STAT6: variants seen among roughly 807,000 people sequenced by gnomAD.
The protein encoded by STAT6 is STAT, interleukin4-induced.
In STAT6, 45 loss-of-function variants were observed where a neutral mutation model predicts 106.3. The observed-to-expected ratio is 0.42, with a 90% CI of 0.33 to 0.54. The LOEUF is 0.54. Among genes scored for constraint, STAT6 ranks in the 20% least tolerant of loss-of-function variants. STAT6 has a pLI of 0.06. For missense variants in STAT6, 797 were observed against 1,062.2 expected (o/e 0.75, Z 3.47); for synonymous variants, 413 against 413.6 (o/e 1.00, Z 0.02).
intron 11 of STAT6, 148 bp downstream of exon 11, chr12:57,104,315 AC>A: frequency 2.6e-6 from 3 of 1,138,606 alleles, no homozygotes; most frequent in South Asian, 1.5e-5. Flanking sequence ...GCTCTTGCTC[AC>A]CCCCACTCAC....
intron 1 of STAT6, chr12:57,110,398 G>A (rs916726068): frequency 1.3e-5 from 2 of 152,260 alleles, no homozygotes; most frequent in Non-Finnish European, 2.9e-5. Flanking sequence ...AACTCAGAAG[G>A]GAAGCGCAAG....
rs759524967 is a variant in STAT6, at chr12:57,100,023, C to T, written c.1580G>A (p.Arg527His). 1.9e-6 allele frequency: 3 copies of T among 1,612,842 alleles called. No individual in the cohort carries two copies. The highest frequency in any genetic ancestry group is 2.5e-6 in the Non-Finnish European group (3 of 1,179,464). ...WFDGVLDLTKRCLRSYWSDRL... is the reference protein window; with the variant it reads ...WFDGVLDLTKHCLRSYWSDRL... ...GTCAGACCAGTAGCTCCGGAGACAG[C>T]GTTTGGTGAGGTCCAGGACACCATC... The change falls in exon 14 of 22, where the codon CGC becomes CAC. Residue 527 changes from arginine (R) to histidine (H), a missense_variant. Transcript: ENST00000300134.
At chr12:57,104,077 T>G (rs2034122393) in intron 11 of STAT6, 1 of 216,170 alleles carries the variant, frequency 4.6e-6, no homozygotes, top group East Asian at 1.2e-4. Flanking sequence ...GCTCCAACAC[T>G]TAGCTGTGTG....
At chr12:57,100,684 GAAAGAAAGAAAGAAAGAGAAAGAA>G (rs1160110918) in intron 13 of STAT6, among the ~76,000 whole-genome samples, 275 of 66,098 alleles carry the variant, frequency 4.2e-3, no homozygotes, top group Middle Eastern at 6.3e-3. Flanking sequence ...AAGAAAGAAA[GAAAGAAAGAAAGAAAGAGAAAGAA>G]AGAAAGAAAG....
chr12:57,098,465 C>G (rs2033593960), intron 19 of STAT6, 40 bp downstream of exon 19: 1 of 1,593,110 alleles, frequency 6.3e-7, no homozygotes, highest in East Asian at 2.2e-5. Flanking sequence ...TGCCCACCCC[C>G]TTAGAGTGGG....
Position 57,098,585 on chromosome 12 carries a change from G to A in STAT6, c.2079C>T (p.Tyr693=). The A allele has an allele frequency of 1.9e-6, 3 of 1,613,862 alleles. No homozygotes were observed. The highest frequency in any genetic ancestry group is 1.1e-5 in the South Asian group (1 of 91,054). ...GGGGGATGGAGTGAGAGTGTGGTGG[G>A]TACACCTGGGGCCTGGGGAAAGAAA... is the stretch of plus-strand genomic sequence containing the variant. The part of the protein sequence containing the change: ...QLGPDMVPQV[Y]PPHSHSIPPY... The change falls in exon 19 of 22, where the codon TAC becomes TAT. Residue 693 remains tyrosine, a synonymous_variant. Transcript: ENST00000300134.
chr12:57,097,072 G>T lies in STAT6; in HGVS notation c.2221C>A (p.Pro741Thr), dbSNP rs901689697. Residue 741 changes from proline to threonine, a missense_variant, in exon 20 of 22, where the codon CCC becomes ACC. Around this residue, in one of 4 missense-constraint regions of STAT6, gnomAD observed 226 missense variants for 236.7 expected, o/e 0.95. Coordinates refer to ENST00000300134, the MANE Select transcript of STAT6 (RefSeq NM_003153.5). ...QMSLPFDQPH[P>T]QGLLPCQPQE... is the part of the protein sequence containing the mutation. ...AGGAGGGGCTTTGTCACTCACTGGG[G>T]GTGAGGCTGGTCAAAGGGCAGGCTC... 9.0e-6 allele frequency: 14 copies of T among 1,547,456 alleles called. No individual in the cohort carries two copies. Among genetic ancestry groups the T allele is most frequent in the Non-Finnish European group, 1.2e-5 (14 of 1,146,254 alleles).
At position 57,105,400 on chromosome 12, in the gene STAT6, C is replaced by T. The variant is rs931721526; in HGVS notation, c.813-61G>A. On this transcript the variant is annotated intron_variant, in intron 8 of 21. Coordinates refer to ENST00000300134, the MANE Select transcript of STAT6 (RefSeq NM_003153.5). ...TAGGTCCCTGCTGGTGCCCTCCCCA[C>T]AGCTCTAGCCCCCTTCTTTTCTTCC... is the stretch of plus-strand genomic sequence containing the variant. 1.1e-5 allele frequency: 18 copies of T among 1,607,878 alleles called. No individual in the cohort carries two copies. The Admixed American group carries it at 2.8e-4, about 25-fold the overall frequency.
At position 57,105,458 on chromosome 12, in the gene STAT6, C is replaced by T. The variant is rs757062172; in HGVS notation, c.812+10G>A. ...TGTTCTAGGCCAGACTGGGAGCTCC[C>T]GGGGAATACCTGGTGACGAGGGTTC... On this transcript the variant is annotated intron_variant, in intron 8 of 21. Coordinates refer to ENST00000300134, the MANE Select transcript of STAT6 (RefSeq NM_003153.5). 8 of 1,613,740 alleles carry T rather than the reference C, an allele frequency of 5.0e-6. No individual in the cohort carries two copies. The highest frequency in any genetic ancestry group is 1.3e-5 in the African/African-American group (1 of 74,888).
At position 57,099,578 on chromosome 12, in the gene STAT6, C is replaced by G. The variant is rs1025000291; in HGVS notation, c.1745-138G>C. ...GGTGGGGCTCCTGAGGGAGAGAGAC[C>G]CACTAGTCTCCGTTCCCACAGAGCT... is the stretch of plus-strand genomic sequence containing the variant. On this transcript the variant is annotated intron_variant, in intron 15 of 21. Coordinates refer to ENST00000300134, the MANE Select transcript of STAT6 (RefSeq NM_003153.5). The surrounding 1 kb of genome is among the most constrained non-coding windows in gnomAD (Gnocchi z 4.7). The G allele has an allele frequency of 7.3e-7, 1 of 1,378,212 alleles. No homozygotes were observed. Among genetic ancestry groups the G allele is most frequent in the Non-Finnish European group, 9.9e-7 (1 of 1,005,872 alleles). 85.4% of individuals were successfully genotyped at this position (1,378,212 alleles called of 1,614,324 possible).
Position 57,096,506 on chromosome 12 carries a change from G to A in STAT6, c.*66C>T. ...CTGCTGCTTGGCAGGGCATGAGCAA[G>A]TGTCCAGAGCAGGTCTGTGGGGGTA... is the stretch of plus-strand genomic sequence containing the variant. On this transcript the variant is annotated 3_prime_UTR_variant, in exon 22 of 22. Coordinates refer to ENST00000300134, the MANE Select transcript of STAT6 (RefSeq NM_003153.5). 1.4e-6 allele frequency: 2 copies of A among 1,444,002 alleles called. No homozygotes were observed. Among genetic ancestry groups the A allele is most frequent in the Middle Eastern group, 1.8e-4 (1 of 5,462 alleles). The allele number at this position is 1,444,002 out of a possible 1,614,324, so 89.4% of individuals were successfully genotyped here.
chr12:57,102,209 C>T, intron 13 of STAT6, 81 bp downstream of exon 13: 1 of 1,475,240 alleles, frequency 6.8e-7, no homozygotes, highest in Non-Finnish European at 9.4e-7. Flanking sequence ...TGGAAGGTCC[C>T]TGCATGGAGG....
intron 7 of STAT6, 194 bp from the exon 8 acceptor site, chr12:57,105,793 T>A: frequency 1.0e-6 from 1 of 966,702 alleles, no homozygotes; most frequent in Non-Finnish European, 1.5e-6. Context: ...GGAGGTTCAT[T>A]CTCAGTGCCT....
At chr12:57,100,638 G>GAAAGAA (rs1352178294) in intron 13 of STAT6, among the ~76,000 whole-genome samples, 9 of 100,134 alleles carry the variant, frequency 9.0e-5, no homozygotes, top group Non-Finnish European at 1.4e-4. Context: ...GAAAGAGAAA[G>GAAAGAA]AGAAAGAAAG....
Position 57,100,049 on chromosome 12 carries a change from A to C in STAT6, c.1554T>G (p.Phe518Leu), listed in dbSNP as rs1344169083. The C allele has an allele frequency of 5.6e-6, 9 of 1,611,532 alleles. No homozygotes were observed. Among genetic ancestry groups the C allele is most frequent in the Non-Finnish European group, 6.8e-6 (8 of 1,178,834 alleles). ...LGRGFTFWQW[F>L]DGVLDLTKRC... is the part of the protein sequence containing the mutation. ...GTTTGGTGAGGTCCAGGACACCATC[A>C]AACCACTGCCAAAAGGTGAAGCCAC... Residue 518 changes from phenylalanine (F) to leucine (L), a missense_variant, in exon 14 of 22, where the codon TTT (phenylalanine) becomes TTG (leucine). Coordinates refer to ENST00000300134, the MANE Select transcript of STAT6 (RefSeq NM_003153.5).
At chr12:57,097,306 C>A in intron 19 of STAT6, 173 bp from the exon 20 acceptor site, 1 of 462,334 alleles carries the variant, frequency 2.2e-6, no homozygotes. Context: ...GTAAAATGTG[C>A]GTGTTATGGG....
chr12:57,098,773 T>C lies in STAT6; in HGVS notation c.2066+19A>G. The C allele has an allele frequency of 6.2e-7, 1 of 1,610,644 alleles. No individual in the cohort carries two copies. The highest frequency in any genetic ancestry group is 1.3e-5 in the African/African-American group (1 of 74,902). On this transcript the variant is annotated intron_variant, in intron 18 of 21. Coordinates refer to ENST00000300134, the MANE Select transcript of STAT6 (RefSeq NM_003153.5). ...CATCTGCACAGACCACTCCCATTCC[T>C]GTCTTTCCAGCTCCTTACACCATAT...
In STAT6 at chr12:57,111,285, T is replaced by TAC. The variant is rs1415291547; in HGVS notation, c.-180_-179dup. On this transcript the variant is annotated 5_prime_UTR_variant, in exon 1 of 22. The change abolishes the stop of an existing upstream ORF in the 5' untranslated region. Coordinates refer to ENST00000300134, the MANE Select transcript of STAT6 (RefSeq NM_003153.5). The stretch of plus-strand genomic sequence containing the variant: ...AGAAAAATAAGATAAAGCACACACA[T>TAC]ACATACACACACACACACACACACA... The TAC allele has an allele frequency of 2.6e-5, 3 of 116,740 alleles. No individual in the cohort carries two copies. Among genetic ancestry groups the TAC allele is most frequent in the African/African-American group, 6.1e-5 (2 of 32,918 alleles). 7.2% of individuals were successfully genotyped at this position (116,740 alleles called of 1,614,324 possible).
At chr12:57,100,692 GAAAGAAAGAGAAAGAAAGAAAGAAAGAA>G (rs1291380917) in intron 13 of STAT6, among the ~76,000 whole-genome samples, 2,263 of 49,532 alleles carry the variant, frequency 0.046, 34 homozygotes, top group Admixed American at 0.064. Flanking sequence ...AAGAAAGAAA[GAAAGAAAGAGAAAGAAAGAAAGAAAGAA>G]AGAAAGAAAG....
Sources: allele counts gnomAD v4.1 joint callset (sites outside exome capture counted in the v4.1 genomes callset), GRCh38; gene constraint gnomAD v4.1.1; regional missense constraint gnomAD v4.1.1; non-coding constraint Gnocchi (gnomAD v3.1); transcripts MANE v1.5; gene names NCBI Gene and HGNC (gene_info 2026-07-23, HGNC 2026-07-21).